The following CDH12 variants were observed in gnomAD, a reference collection of about 807,000 sequenced individuals.
CDH12 encodes the protein cadherin 12.
A neutral mutation model predicts 74.1 loss-of-function variants in CDH12; 41 were observed. The observed-to-expected ratio is 0.55, with a 90% confidence interval of 0.43 to 0.72. The LOEUF (loss-of-function observed/expected upper bound fraction) is 0.72. Among genes scored for constraint, CDH12 ranks in the 30% least tolerant of loss-of-function variants. CDH12 has a pLI of 0.00. For synonymous variants in CDH12, 399 were observed against 355.0 expected (o/e 1.12, Z -1.39); for missense variants, 945 against 977.2 (o/e 0.97, Z 0.44).
chr5:22,668,493 G>A (rs2126909375), intron 1 of CDH12, among the ~76,000 whole-genome samples: 1 of 152,294 alleles, frequency 6.6e-6, no homozygotes, highest in Admixed American at 6.5e-5. Flanking sequence ...AGAAGTCCAA[G>A]GTTGAGGATC....
chr5:22,189,850 T>TC (rs1554019138), intron 4 of CDH12, among the ~76,000 whole-genome samples: 77,329 of 152,118 alleles, frequency 0.51, 20,057 homozygotes, highest in African/African-American at 0.59. Context: ...TACCACATCT[T>TC]CCCCCCGCCT....
chr5:22,728,804 A>G (rs1744289363), intron 1 of CDH12, among the ~76,000 whole-genome samples: 2 of 151,886 alleles, frequency 1.3e-5, no homozygotes, highest in Middle Eastern at 6.8e-3. Context: ...TCATCTCATA[A>G]GGTCACTAAT....
At chr5:22,281,601 C>A (rs577335991) in intron 3 of CDH12, among the ~76,000 whole-genome samples, 1 of 152,122 alleles carries the variant, frequency 6.6e-6, no homozygotes, top group Non-Finnish European at 1.5e-5. Context: ...AGAGCCAAAT[C>A]ATGAGTGAAC....
chr5:22,164,608 C>G (rs572041399), intron 4 of CDH12, among the ~76,000 whole-genome samples: 2 of 152,188 alleles, frequency 1.3e-5, no homozygotes, highest in African/African-American at 4.8e-5. Flanking sequence ...AGCTCCTGTA[C>G]GAGGAGGGGA....
chr5:21,764,963 A>G lies in CDH12; in HGVS notation c.1515+15T>C, dbSNP rs1744935529. 3.7e-6 allele frequency: 6 copies of G among 1,613,386 alleles called. No homozygotes were observed. The highest frequency in any genetic ancestry group is 1.1e-5 in the South Asian group (1 of 91,060). ...TGGGTCTTTATACACTCAAGGAACAATATTTATAAGATACCTGTCCTGGCT... is the reference window on the plus strand; with the variant it reads ...TGGGTCTTTATACACTCAAGGAACAGTATTTATAAGATACCTGTCCTGGCT... On this transcript the variant is annotated intron_variant, in intron 12 of 14. Transcript: ENST00000382254.
chr5:22,787,792 C>A (rs985111820), intron 1 of CDH12, among the ~76,000 whole-genome samples: 1 of 152,108 alleles, frequency 6.6e-6, no homozygotes, highest in Non-Finnish European at 1.5e-5. Context: ...GGTCCTCACT[C>A]GCTGGTTTCC....
chr5:22,413,928 C>T (rs951817185), intron 2 of CDH12, among the ~76,000 whole-genome samples: 1 of 151,896 alleles, frequency 6.6e-6, no homozygotes, highest in Non-Finnish European at 1.5e-5. Flanking sequence ...TTATACATCA[C>T]TTATGTTTTA....
intron 6 of CDH12, among the ~76,000 whole-genome samples, chr5:21,900,526 A>G (rs1753336483): frequency 6.6e-6 from 1 of 152,170 alleles, no homozygotes; most frequent in African/African-American, 2.4e-5. Context: ...GTAAAAACAA[A>G]CCATGCCAAT....
chr5:22,130,168 A>G (rs1210089313), intron 4 of CDH12, among the ~76,000 whole-genome samples: 3 of 150,670 alleles, frequency 2.0e-5, no homozygotes, highest in Non-Finnish European at 4.4e-5. Flanking sequence ...ATTTGAAGAG[A>G]CCATGGGAAA....
At chr5:22,598,286 T>G (rs1736694915) in intron 1 of CDH12, among the ~76,000 whole-genome samples, 1 of 152,188 alleles carries the variant, frequency 6.6e-6, no homozygotes, top group Non-Finnish European at 1.5e-5. Flanking sequence ...CACCTTGAAT[T>G]GTAATAATTC....
intron 6 of CDH12, among the ~76,000 whole-genome samples, chr5:21,878,826 A>C (rs1350525871): frequency 6.8e-6 from 1 of 147,384 alleles, no homozygotes; most frequent in Non-Finnish European, 1.5e-5. Flanking sequence ...GAAAGAGAAA[A>C]GAAAAGAAAA....
intron 3 of CDH12, among the ~76,000 whole-genome samples, chr5:22,226,221 C>T (rs1752190957): frequency 6.6e-6 from 1 of 151,766 alleles, no homozygotes; most frequent in South Asian, 2.1e-4. Context: ...AGGCAGAATC[C>T]TAAGATGATC....
intron 3 of CDH12, among the ~76,000 whole-genome samples, chr5:22,243,734 A>C (rs2150382193): frequency 6.6e-6 from 1 of 152,316 alleles, no homozygotes; most frequent in Middle Eastern, 3.4e-3. Context: ...AGTTTGATTA[A>C]CATTTTTTTG....
intron 3 of CDH12, among the ~76,000 whole-genome samples, chr5:22,316,291 A>G (rs2066163726): frequency 2.0e-5 from 3 of 151,292 alleles, no homozygotes; most frequent in Admixed American, 1.3e-4. Context: ...TAAAAGCTTT[A>G]GATACAGAGA....
chr5:22,249,069 A>T (rs1453664317), intron 3 of CDH12, among the ~76,000 whole-genome samples: 1 of 152,126 alleles, frequency 6.6e-6, no homozygotes, highest in African/African-American at 2.4e-5. Flanking sequence ...GCTCTTTGCA[A>T]TTTTTCTGTG....
At chr5:22,140,659 C>T (rs1047832960) in intron 4 of CDH12, among the ~76,000 whole-genome samples, 1 of 152,154 alleles carries the variant, frequency 6.6e-6, no homozygotes, top group African/African-American at 2.4e-5. Context: ...GAGCCCTCAA[C>T]TTGCCATTAC....
chr5:22,326,705 T>C (rs1305525418), intron 3 of CDH12, among the ~76,000 whole-genome samples: 1 of 152,162 alleles, frequency 6.6e-6, no homozygotes, highest in Non-Finnish European at 1.5e-5. Context: ...TGTGAAAAAT[T>C]GTACCTATAA....
At chr5:22,431,200 A>G (rs1044034037) in intron 2 of CDH12, among the ~76,000 whole-genome samples, 1 of 152,180 alleles carries the variant, frequency 6.6e-6, no homozygotes, top group African/African-American at 2.4e-5. Context: ...GCACACAGCA[A>G]TCAAATATAT....
At chr5:22,738,376 CT>C (rs1744851526) in intron 1 of CDH12, among the ~76,000 whole-genome samples, 1 of 151,956 alleles carries the variant, frequency 6.6e-6, no homozygotes, top group African/African-American at 2.4e-5. Context: ...TATCTTAAAC[CT>C]AGAGTGCAGC....
Sources: allele counts gnomAD v4.1 joint callset (sites outside exome capture counted in the v4.1 genomes callset), GRCh38; gene constraint gnomAD v4.1.1; transcripts MANE v1.5; gene names NCBI Gene and HGNC (gene_info 2026-07-23, HGNC 2026-07-21).